The following OR5AS1 variants were observed in gnomAD, a reference collection of about 807,000 sequenced individuals.
The protein encoded by OR5AS1 is olfactory receptor family 5 subfamily AS member 1.
For synonymous variants in OR5AS1, 196 were observed against 141.7 expected, an observed-to-expected ratio of 1.38 and a Z score of -2.72; for missense variants, 492 against 378.2, an observed-to-expected ratio of 1.30 and a Z score of -2.50.
At chr11:56,030,257 C>G in intron 1 of OR5AS1, 134 bp from the exon 2 acceptor site, 1 of 360,068 alleles carries the variant, frequency 2.8e-6, no homozygotes, top group Admixed American at 4.4e-5. Flanking sequence ...ATGACAAAAT[C>G]AAAATCAAAA....
In OR5AS1 at chr11:56,031,198, A is replaced by G. The variant is rs1250229077; in HGVS notation, c.780A>G (p.Leu260=). 2 of 1,613,766 alleles carry G rather than the reference A, an allele frequency of 1.2e-6. No individual in the cohort carries two copies. The highest frequency in any genetic ancestry group is 1.3e-5 in the African/African-American group (1 of 74,908). Residue 260 remains leucine (L), a synonymous_variant, in exon 2 of 2, where the codon TTA becomes TTG. Coordinates refer to ENST00000641320, the MANE Select transcript of OR5AS1 (RefSeq NM_001001921.2). ...LFYGALLFMY[L]QPTTSYSLDT... ...ATGGAGCGCTCCTGTTTATGTACTT[A>G]CAGCCCACCACTAGCTATTCCCTAG...
chr11:56,030,755 C>A lies in OR5AS1; in HGVS notation c.337C>A (p.Leu113Ile). 6.2e-7 allele frequency: 1 copy of A among 1,613,476 alleles called. No homozygotes were observed. Among genetic ancestry groups the A allele is most frequent in the Non-Finnish European group, 8.5e-7 (1 of 1,179,560 alleles). The change falls in exon 2 of 2, where the codon CTT becomes ATT. Residue 113 changes from leucine (L) to isoleucine (I), a missense_variant. Coordinates refer to ENST00000641320, the MANE Select transcript of OR5AS1 (RefSeq NM_001001921.2). The part of the protein sequence containing the change: ...FFASFADAEC[L>I]ILAAMAYDRY... ...CGCTTCTTTTGCTGATGCTGAGTGC[C>A]TTATCCTGGCAGCAATGGCTTATGA...
In OR5AS1 at chr11:56,030,520, A is replaced by G. The variant is rs752721719; in HGVS notation, c.102A>G (p.Val34=). 18 of 1,552,280 alleles carry G rather than the reference A, an allele frequency of 1.2e-5. No homozygotes were observed. In the South Asian group the frequency reaches 1.4e-4, roughly 12 times the overall value. Residue 34 remains valine, a synonymous_variant, in exon 2 of 2, where the codon GTA becomes GTG. Coordinates refer to ENST00000641320, the MANE Select transcript of OR5AS1 (RefSeq NM_001001921.2). ...RVTLFLVFLL[V]YTLTMVGNIL... is the part of the protein sequence containing the mutation. ...CACTGTTCTTGGTATTCCTTCTGGT[A>G]TATACATTAACTATGGTCGGAAATA...
chr11:56,027,819 G>GTT (rs34290090), intron 1 of OR5AS1, 107 bp downstream of exon 1: 2 of 151,460 alleles, frequency 1.3e-5, no homozygotes, highest in East Asian at 3.9e-4. Flanking sequence ...CTGTGTGTGT[G>GTT]TGTGTGTGTG....
rs539310342 is a variant in OR5AS1, at chr11:56,027,713, G to A, written c.-29+1G>A. ...ATTCAAAGTTCTTGATGGTGCTGAG[G>A]TAAGTGATTTTTTCCCTAAAGCATT... is the stretch of plus-strand genomic sequence containing the variant. On this transcript the variant is annotated splice_donor_variant, in intron 1 of 1. Coordinates refer to ENST00000641320, the MANE Select transcript of OR5AS1 (RefSeq NM_001001921.2). LOFTEE classifies it low-confidence loss of function (5UTR_SPLICE). The A allele has an allele frequency of 3.5e-4, 53 of 152,106 alleles. 1 individual carries two copies. Among genetic ancestry groups the A allele is most frequent in the African/African-American group, 1.2e-3 (48 of 41,448 alleles). The allele number at this position is 152,106 out of a possible 1,614,324, so 9.4% of individuals were successfully genotyped here.
intron 1 of OR5AS1, among the ~76,000 whole-genome samples, chr11:56,028,307 AT>A (rs1343545385): frequency 6.6e-6 from 1 of 152,050 alleles, no homozygotes; most frequent in Non-Finnish European, 1.5e-5. Context: ...CTAATTAAAT[AT>A]AACAAATAAT....
rs143422481 is a variant in OR5AS1 at position 56,030,609 on chromosome 11, G to A, written c.191G>A (p.Ser64Asn). The part of the protein sequence containing the change: ...SLQIPMYYFL[S>N]NLSFLDISCS... ...CAAATTCCCATGTATTATTTTCTTAGCAACTTATCTTTCTTAGACATCAGC... is the reference window on the plus strand; with the variant it reads ...CAAATTCCCATGTATTATTTTCTTAACAACTTATCTTTCTTAGACATCAGC... Residue 64 changes from serine (S) to asparagine (N), a missense_variant, in exon 2 of 2, where the codon AGC (serine) becomes AAC (asparagine). Coordinates refer to ENST00000641320, the MANE Select transcript of OR5AS1 (RefSeq NM_001001921.2). 4 of 1,545,986 alleles carry A rather than the reference G, an allele frequency of 2.6e-6. No individual in the cohort carries two copies. Among genetic ancestry groups the A allele is most frequent in the African/African-American group, 2.8e-5 (2 of 72,206 alleles).
chr11:56,028,242 C>T (rs17600784), intron 1 of OR5AS1, among the ~76,000 whole-genome samples: 9,136 of 151,854 alleles, frequency 0.06, 379 homozygotes, highest in Non-Finnish European at 0.084. Flanking sequence ...GCATACCAAC[C>T]TCTGTAAAGC....
Position 56,031,520 on chromosome 11 carries a change from C to A in OR5AS1, c.*127C>A. 1 of 674,344 alleles carries A rather than the reference C, an allele frequency of 1.5e-6. No homozygotes were observed. Among genetic ancestry groups the A allele is most frequent in the Admixed American group, 2.8e-5 (1 of 36,362 alleles). The allele number at this position is 674,344 out of a possible 1,614,324, so 41.8% of individuals were successfully genotyped here. A position where few individuals can be genotyped will look rare whatever the true frequency, so the allele number is the denominator to read the frequency against. On this transcript the variant is annotated 3_prime_UTR_variant, in exon 2 of 2. Transcript: ENST00000641320. ...ACTCAGTGCATTAAAATGCTTCATC[C>A]TCTCTTCCAAAAATGTTCTCTCCAC... is the stretch of plus-strand genomic sequence containing the variant.
At chr11:56,028,911 T>C (rs928492501) in intron 1 of OR5AS1, among the ~76,000 whole-genome samples, 2 of 152,032 alleles carry the variant, frequency 1.3e-5, no homozygotes, top group African/African-American at 4.8e-5. Context: ...ATAGAGAAAA[T>C]ATACATCCAG....
At position 56,035,686 on chromosome 11, in the gene OR5AS1, A is replaced by G. The variant is rs1404833210; in HGVS notation, c.*4293A>G. On this transcript the variant is annotated 3_prime_UTR_variant, in exon 2 of 2. Transcript: ENST00000641320. ...GAGACTTAGACTAACACACAAAAAT[A>G]GTGGGAGACTTTAACACCCCACAGT... 6.6e-6 allele frequency: 1 copy of G among 152,140 alleles called. No homozygotes were observed. The highest frequency in any genetic ancestry group is 1.5e-5 in the Non-Finnish European group (1 of 68,038). The allele number at this position is 152,140 out of a possible 1,614,324, so 9.4% of individuals were successfully genotyped here.
At chr11:56,028,869 G>A (rs377163528) in intron 1 of OR5AS1, among the ~76,000 whole-genome samples, 22 of 152,196 alleles carry the variant, frequency 1.4e-4, no homozygotes, top group African/African-American at 4.8e-4. Flanking sequence ...GGAAATGTTA[G>A]TGTGGAAATT....
chr11:56,035,473 A>C lies in OR5AS1; in HGVS notation c.*4080A>C, dbSNP rs1169814899. ...AGAAAAAAGAAAAAAAAAACAACAAAGCACAGGGGTTGTAATCCTAGTCTC... is the reference window on the plus strand; with the variant it reads ...AGAAAAAAGAAAAAAAAAACAACAACGCACAGGGGTTGTAATCCTAGTCTC... On this transcript the variant is annotated 3_prime_UTR_variant, in exon 2 of 2. Transcript: ENST00000641320. The C allele has an allele frequency of 1.3e-5, 2 of 152,130 alleles. No individual in the cohort carries two copies. Among genetic ancestry groups the C allele is most frequent in the Non-Finnish European group, 2.9e-5 (2 of 68,022 alleles). 9.4% of individuals were successfully genotyped at this position (152,130 alleles called of 1,614,324 possible).
At position 56,037,112 on chromosome 11, in the gene OR5AS1, C is replaced by T. The variant is rs1228431094; in HGVS notation, c.*5719C>T. ...ATAAACTAGGTATTGACAAACATAT[C>T]TCCAAATAATAAGAGCTATTATGAC... On this transcript the variant is annotated 3_prime_UTR_variant, in exon 2 of 2. Coordinates refer to ENST00000641320, the MANE Select transcript of OR5AS1 (RefSeq NM_001001921.2). The T allele has an allele frequency of 6.6e-6, 1 of 151,978 alleles. No homozygotes were observed. The highest frequency in any genetic ancestry group is 1.9e-4 in the East Asian group (1 of 5,186). 9.4% of individuals were successfully genotyped at this position (151,978 alleles called of 1,614,324 possible).
At chr11:56,029,715 G>A (rs552246835) in intron 1 of OR5AS1, among the ~76,000 whole-genome samples, 15 of 151,820 alleles carry the variant, frequency 9.9e-5, no homozygotes, top group East Asian at 5.8e-4. Context: ...TTTAATCAGC[G>A]CTCACACAGT....
Position 56,037,531 on chromosome 11 carries a change from T to C in OR5AS1, c.*6138T>C, listed in dbSNP as rs1416356058. On this transcript the variant is annotated 3_prime_UTR_variant, in exon 2 of 2. Transcript: ENST00000641320. ...ACAATTGCTACAAAAGAGTGTAAAA[T>C]ACCTAGAAATACAACTTACGAGGGA... The C allele has an allele frequency of 6.6e-6, 1 of 151,774 alleles. No homozygotes were observed. The highest frequency in any genetic ancestry group is 1.5e-5 in the Non-Finnish European group (1 of 67,988). 9.4% of individuals were successfully genotyped at this position (151,774 alleles called of 1,614,324 possible). A position where few individuals can be genotyped will look rare whatever the true frequency, so the allele number is the denominator to read the frequency against.
At chr11:56,030,034 A>G (rs1381629783) in intron 1 of OR5AS1, among the ~76,000 whole-genome samples, 1 of 152,112 alleles carries the variant, frequency 6.6e-6, no homozygotes, top group African/African-American at 2.4e-5. Context: ...GGTTGCAAAA[A>G]GAGAGCTTTG....
Position 56,030,999 on chromosome 11 carries a change from T to C in OR5AS1, c.581T>C (p.Ile194Thr), listed in dbSNP as rs777504717. 1 of 1,614,192 alleles carries C rather than the reference T, an allele frequency of 6.2e-7. No individual in the cohort carries two copies. Among genetic ancestry groups the C allele is most frequent in the Non-Finnish European group, 8.5e-7 (1 of 1,180,032 alleles). Residue 194 changes from isoleucine (I) to threonine (T), a missense_variant, in exon 2 of 2, where the codon ATC becomes ACC. Coordinates refer to ENST00000641320, the MANE Select transcript of OR5AS1 (RefSeq NM_001001921.2). Reference sequence around the variant, plus strand: ...GCTTTATCATGTACAGACACTCAGATCAACCAGCTTCTGCTCTTTGCTTTG... The same window carrying C: ...GCTTTATCATGTACAGACACTCAGACCAACCAGCTTCTGCTCTTTGCTTTG... ...LLALSCTDTQ[I>T]NQLLLFALCS...
intron 1 of OR5AS1, among the ~76,000 whole-genome samples, chr11:56,029,973 T>C (rs998616254): frequency 2.0e-5 from 3 of 152,126 alleles, no homozygotes; most frequent in Admixed American, 6.5e-5. Flanking sequence ...ATATGGACAT[T>C]CTTTCATATT....
Sources: allele counts gnomAD v4.1 joint callset (sites outside exome capture counted in the v4.1 genomes callset), GRCh38; gene constraint gnomAD v4.1.1; transcripts MANE v1.5; gene names NCBI Gene and HGNC (gene_info 2026-07-23, HGNC 2026-07-21).